ZNF423: variants seen among roughly 807,000 people sequenced by gnomAD.
The protein encoded by ZNF423 is zinc finger protein 423.
In ZNF423, 12 loss-of-function variants were observed where a neutral mutation model predicts 95.8. The ratio of observed to expected loss-of-function variants is 0.13; its 90% confidence interval spans 0.08 to 0.20. The LOEUF is 0.20. Among genes scored for constraint, ZNF423 ranks in the 10% least tolerant of loss-of-function variants. The pLI, the probability that ZNF423 is intolerant of heterozygous loss-of-function variation, is 1.00. For missense variants in ZNF423, 1,316 were observed against 1,737.1 expected (o/e 0.76, Z 4.31); for synonymous variants, 749 against 711.9 (o/e 1.05, Z -0.83).
At chr16:49,537,178 A>G (rs1290868522) in intron 5 of ZNF423, among the ~76,000 whole-genome samples, 2 of 152,228 alleles carry the variant, frequency 1.3e-5, no homozygotes, top group African/African-American at 4.8e-5. Flanking sequence ...AACACTGCAG[A>G]GCCATGAAGT....
intron 2 of ZNF423, among the ~76,000 whole-genome samples, chr16:49,742,671 G>A (rs1264087991): frequency 2.6e-5 from 4 of 152,154 alleles, no homozygotes; most frequent in African/African-American, 4.8e-5. Flanking sequence ...GTCAGGCAGC[G>A]TGGGGAGCTC....
chr16:49,615,021 C>T (rs1427162661), intron 5 of ZNF423, among the ~76,000 whole-genome samples: 1 of 152,148 alleles, frequency 6.6e-6, no homozygotes, highest in Non-Finnish European at 1.5e-5. Flanking sequence ...ATCTCAGTTA[C>T]TCAGGAGGCT....
At chr16:49,502,208 G>A (rs1344524) in intron 7 of ZNF423, among the ~76,000 whole-genome samples, 9,825 of 152,274 alleles carry the variant, frequency 0.065, 515 homozygotes, top group African/African-American at 0.15. Context: ...AGTGAGGTGG[G>A]GAGTGGTGTC....
chr16:49,625,374 A>G (rs1213040645), intron 5 of ZNF423, among the ~76,000 whole-genome samples: 1 of 152,158 alleles, frequency 6.6e-6, no homozygotes, highest in Non-Finnish European at 1.5e-5. Context: ...TAACAAAAAG[A>G]TGAAGTTCAA....
intron 3 of ZNF423, among the ~76,000 whole-genome samples, chr16:49,658,935 G>T (rs1320744501): frequency 6.6e-6 from 1 of 152,228 alleles, no homozygotes; most frequent in African/African-American, 2.4e-5. Flanking sequence ...GCCCTCATCT[G>T]TGTGCCTCAT....
At chr16:49,604,711 C>T (rs79664010) in intron 5 of ZNF423, among the ~76,000 whole-genome samples, 1 of 152,202 alleles carries the variant, frequency 6.6e-6, no homozygotes, top group East Asian at 1.9e-4. Flanking sequence ...GGTCATGCAA[C>T]CTGAGATCCT....
chr16:49,524,654 CTG>C (rs1309614011), intron 6 of ZNF423, among the ~76,000 whole-genome samples: 1 of 152,210 alleles, frequency 6.6e-6, no homozygotes, highest in African/African-American at 2.4e-5. Context: ...CCCAGAGCAG[CTG>C]TGTGTCTGGG....
intron 1 of ZNF423, among the ~76,000 whole-genome samples, chr16:49,810,906 G>A (rs1410108160): frequency 6.6e-6 from 1 of 152,130 alleles, no homozygotes; most frequent in Non-Finnish European, 1.5e-5. Flanking sequence ...CTGAGAGTCC[G>A]GCCACAAGAA....
chr16:49,606,923 T>C (rs1971554534), intron 5 of ZNF423, among the ~76,000 whole-genome samples: 2 of 151,414 alleles, frequency 1.3e-5, no homozygotes, highest in African/African-American at 4.9e-5. Context: ...CGGGTGGGGG[T>C]CTGCAGGGAG....
intron 3 of ZNF423, among the ~76,000 whole-genome samples, chr16:49,670,126 G>A (rs1419935773): frequency 6.6e-6 from 1 of 152,154 alleles, no homozygotes. Flanking sequence ...CTCCCTCCAG[G>A]GCCCCAGAGT....
rs1170544464 is a variant in ZNF423 at position 49,603,017 on chromosome 16, C to T, written c.3601+23153G>A. Among the ~76,000 whole-genome samples, 1 of 152,164 alleles carries T rather than the reference C, an allele frequency of 6.6e-6. No individual in the cohort carries two copies. Among genetic ancestry groups the T allele is most frequent in the Non-Finnish European group, 1.5e-5 (1 of 68,032 alleles). On this transcript the variant is annotated intron_variant, in intron 5 of 7. Transcript: ENST00000563137. This position sits in a 1 kb window ranked among gnomAD's most constrained non-coding sequence, Gnocchi z 4.1. ...CTGGCACCTCGGTTTCGCAGAGAAA[C>T]GTGTCCCTGAAATGCCAAGGAGAAA...
chr16:49,750,733 T>A (rs528276464), intron 2 of ZNF423, among the ~76,000 whole-genome samples: 1 of 152,168 alleles, frequency 6.6e-6, no homozygotes, highest in Non-Finnish European at 1.5e-5. Context: ...ATAAAATCAT[T>A]GCTGTGAGTG....
intron 1 of ZNF423, among the ~76,000 whole-genome samples, chr16:49,842,111 G>A (rs1324231845): frequency 4.0e-5 from 6 of 150,480 alleles, no homozygotes; most frequent in South Asian, 2.1e-4. Flanking sequence ...GGGGGCAGGC[G>A]CCTGTAATCC....
intron 2 of ZNF423, among the ~76,000 whole-genome samples, chr16:49,776,470 T>TCC: frequency 6.6e-6 from 1 of 152,292 alleles, no homozygotes; most frequent in African/African-American, 2.4e-5. Context: ...ATTGTCGGCC[T>TCC]TTGTTTCAGT....
chr16:49,739,672 CG>C (rs1421030654), intron 2 of ZNF423, among the ~76,000 whole-genome samples: 1 of 148,818 alleles, frequency 6.7e-6, no homozygotes, highest in Non-Finnish European at 1.5e-5. Flanking sequence ...TGGAGCAACA[CG>C]TTTGTTTTTT....
chr16:49,527,202 C>G (rs534124432), intron 5 of ZNF423, among the ~76,000 whole-genome samples: 69 of 152,178 alleles, frequency 4.5e-4, no homozygotes, highest in Non-Finnish European at 8.4e-4. Flanking sequence ...GTGGGTCTGC[C>G]CCACATAGCC....
At chr16:49,776,568 C>A (rs937466029) in intron 2 of ZNF423, among the ~76,000 whole-genome samples, 5 of 152,226 alleles carry the variant, frequency 3.3e-5, no homozygotes, top group Admixed American at 3.3e-4. Context: ...CCCCCAGCCC[C>A]GACCCTGGGG....
chr16:49,772,483 C>G (rs2034052944), intron 2 of ZNF423, among the ~76,000 whole-genome samples: 1 of 152,258 alleles, frequency 6.6e-6, no homozygotes, highest in Non-Finnish European at 1.5e-5. Context: ...CCTGCCCTGA[C>G]ACATTGGTCC....
At chr16:49,727,332 T>C (rs983644008) in intron 3 of ZNF423, among the ~76,000 whole-genome samples, 4 of 152,066 alleles carry the variant, frequency 2.6e-5, no homozygotes, top group African/African-American at 9.7e-5. Flanking sequence ...GGGCTCCAGG[T>C]TGGGGACGGG....
Sources: allele counts gnomAD v4.1 joint callset (sites outside exome capture counted in the v4.1 genomes callset), GRCh38; gene constraint gnomAD v4.1.1; non-coding constraint Gnocchi (gnomAD v3.1); transcripts MANE v1.5; gene names NCBI Gene and HGNC (gene_info 2026-07-23, HGNC 2026-07-21).